The following KAZN variants were observed in gnomAD, a reference collection of about 807,000 sequenced individuals.
KAZN encodes the protein kazrin.
Under a neutral mutation model 87.4 loss-of-function variants are expected in KAZN, and 40 were observed. The observed-to-expected ratio is 0.46, with a 90% CI of 0.36 to 0.60. The LOEUF is 0.60. Ranked by LOEUF, KAZN falls within the 20% of genes least tolerant of loss-of-function variation. The pLI is 0.00. For synonymous variants in KAZN, 466 were observed against 458.3 expected (o/e 1.02, Z -0.22); for missense variants, 898 against 1,073.9 (o/e 0.84, Z 2.29).
chr1:15,103,344 C>T lies in KAZN; in HGVS notation c.1780-15C>T, dbSNP rs777389230. 26 of 1,547,184 alleles carry T rather than the reference C, an allele frequency of 1.7e-5. No individual in the cohort carries two copies. The South Asian group carries it at 2.4e-4, about 14-fold the overall frequency. On this transcript the variant is annotated splice_polypyrimidine_tract_variant and intron_variant, in intron 11 of 14. Coordinates refer to ENST00000376030, the MANE Select transcript of KAZN (RefSeq NM_201628.3). ...TCCCCTTGTCCCTCCGAATGACCCA[C>T]TGTCTCCCCACAAGGCCCTCCAGGA...
chr1:14,600,666 C>CAAAAA (rs59840012), intron 1 of KAZN, among the ~76,000 whole-genome samples: 8 of 118,456 alleles, frequency 6.8e-5, no homozygotes, highest in African/African-American at 1.0e-4. Context: ...GGAACCTGTG[C>CAAAAA]AAAAAAAAAA....
Position 14,735,801 on chromosome 1 carries a change from TG to T in KAZN, c.226+136580del, listed in dbSNP as rs1371524233. On this transcript the variant is annotated intron_variant, in intron 1 of 14. Transcript: ENST00000376030. The surrounding 1 kb of genome is among the most constrained non-coding windows in gnomAD (Gnocchi z 4.3). The stretch of plus-strand genomic sequence containing the variant: ...GAAGCGCCGTCCCTGGCCCTGGGTT[TG>T]GTAAGTTGTAAAAGGAACTTGCTGC... 6.6e-6 allele frequency among the ~76,000 whole-genome samples: 1 copy of T among 152,184 alleles called. No individual in the cohort carries two copies. The highest frequency in any genetic ancestry group is 2.4e-5 in the African/African-American group (1 of 41,448).
At chr1:14,321,719 G>A (rs1197161394) in intron 2 of KAZN, among the ~76,000 whole-genome samples, 2 of 152,220 alleles carry the variant, frequency 1.3e-5, no homozygotes, top group Middle Eastern at 3.4e-3. Flanking sequence ...ATTTCAAATG[G>A]CAGGTGGTGG....
intron 1 of KAZN, among the ~76,000 whole-genome samples, chr1:14,037,133 G>A (rs1026874944): frequency 6.6e-6 from 1 of 152,124 alleles, no homozygotes; most frequent in Admixed American, 6.5e-5. Context: ...CATAGGGTGG[G>A]ATTATTTTAT....
chr1:15,006,529 C>T (rs1348280122), intron 2 of KAZN, among the ~76,000 whole-genome samples: 3 of 152,316 alleles, frequency 2.0e-5, no homozygotes, highest in Middle Eastern at 3.4e-3. Context: ...CTGAGGCCCA[C>T]GTGTCAGAGC....
At chr1:14,149,726 G>C (rs1217238563) in intron 1 of KAZN, among the ~76,000 whole-genome samples, 1 of 152,136 alleles carries the variant, frequency 6.6e-6, no homozygotes, top group African/African-American at 2.4e-5. Context: ...TTAAAGAGGA[G>C]AGCAAAAATA....
intron 1 of KAZN, among the ~76,000 whole-genome samples, chr1:14,012,610 G>T (rs921286836): frequency 6.6e-6 from 1 of 152,260 alleles, no homozygotes; most frequent in Non-Finnish European, 1.5e-5. Context: ...TTCAAGACCT[G>T]CCTGGCCAAC....
rs1357641203 is a variant in KAZN at position 14,773,884 on chromosome 1, A to G, written c.226+174661A>G. On this transcript the variant is annotated intron_variant, in intron 1 of 14. Transcript: ENST00000376030. The surrounding 1 kb of genome is among the most constrained non-coding windows in gnomAD (Gnocchi z 5.9). ...TTCCAGGACTGATGGCACTGAGGGAAGCTTGAAGGAAACAGGCAGGGAAGA... is the reference window on the plus strand; with the variant it reads ...TTCCAGGACTGATGGCACTGAGGGAGGCTTGAAGGAAACAGGCAGGGAAGA... 1.3e-5 allele frequency among the ~76,000 whole-genome samples: 2 copies of G among 152,170 alleles called. No homozygotes were observed. Among genetic ancestry groups the G allele is most frequent in the Non-Finnish European group, 2.9e-5 (2 of 68,028 alleles).
chr1:14,680,961 GCTTAC>G (rs1640534128), intron 1 of KAZN, among the ~76,000 whole-genome samples: 1 of 152,210 alleles, frequency 6.6e-6, no homozygotes, highest in Admixed American at 6.5e-5. Flanking sequence ...GCCTCAGGTA[GCTTAC>G]AGTCATGGCA....
intron 1 of KAZN, among the ~76,000 whole-genome samples, chr1:14,099,822 G>T (rs1644209818): frequency 6.6e-6 from 1 of 152,184 alleles, no homozygotes; most frequent in South Asian, 2.1e-4. Flanking sequence ...CCCTAAGCTA[G>T]CTTAGAAATA....
At chr1:14,744,103 T>G (rs1644194352) in intron 1 of KAZN, among the ~76,000 whole-genome samples, 1 of 152,180 alleles carries the variant, frequency 6.6e-6, no homozygotes, top group African/African-American at 2.4e-5. Context: ...CAAGGCTGGC[T>G]TTATCATGGC....
intron 2 of KAZN, among the ~76,000 whole-genome samples, chr1:14,232,049 G>A (rs1361878065): frequency 1.3e-5 from 2 of 152,080 alleles, no homozygotes; most frequent in Non-Finnish European, 2.9e-5. Context: ...TGGAACTCAG[G>A]CTCACAAACA....
intron 2 of KAZN, among the ~76,000 whole-genome samples, chr1:14,320,665 G>T (rs1253840793): frequency 6.6e-6 from 1 of 152,102 alleles, no homozygotes; most frequent in East Asian, 1.9e-4. Flanking sequence ...ATATTTCCTG[G>T]CAGTTGCTTA....
At chr1:14,187,978 G>A (rs953793703) in intron 2 of KAZN, among the ~76,000 whole-genome samples, 7 of 152,110 alleles carry the variant, frequency 4.6e-5, no homozygotes, top group African/African-American at 9.7e-5. Flanking sequence ...GGGAAACACC[G>A]GTGAAGATGA....
In KAZN at chr1:15,100,325, C is replaced by A. The variant is rs575804202; in HGVS notation, c.1548-1218C>A. 5.3e-5 allele frequency among the ~76,000 whole-genome samples: 8 copies of A among 152,284 alleles called. No individual in the cohort carries two copies. The South Asian group carries it at 1.7e-3, about 32-fold the overall frequency. On this transcript the variant is annotated intron_variant, in intron 10 of 14. Transcript: ENST00000376030. ...AGGACAGGGAGGACCCACCCAGGAC[C>A]CTCAGCAGGAGGGTGGCATGACAAG...
chr1:14,907,401 CAAA>C (rs141495381), intron 1 of KAZN, among the ~76,000 whole-genome samples: 2 of 98,424 alleles, frequency 2.0e-5, no homozygotes, highest in African/African-American at 3.8e-5. Flanking sequence ...GACCCTGTCT[CAAA>C]AAAAAAAAAA....
intron 1 of KAZN, among the ~76,000 whole-genome samples, chr1:14,696,465 G>A (rs1641608562): frequency 1.3e-5 from 2 of 152,212 alleles, no homozygotes; most frequent in African/African-American, 2.4e-5. Context: ...GAGTGGGCTG[G>A]TGGAACCAGG....
chr1:15,109,113 G>A (rs546766222), intron 13 of KAZN, among the ~76,000 whole-genome samples: 73 of 152,248 alleles, frequency 4.8e-4, no homozygotes, highest in Non-Finnish European at 4.3e-4. Flanking sequence ...GGCCAGGCAC[G>A]GTGGCTCACA....
upstream of KAZN, among the ~76,000 whole-genome samples, chr1:14,593,728 T>A (rs1676334563): frequency 6.6e-6 from 1 of 152,014 alleles, no homozygotes; most frequent in African/African-American, 2.4e-5. Flanking sequence ...ATCTGAGGGA[T>A]GAAAAGGAAT....
Sources: gnomAD v4.1 joint callset for allele counts (sites outside exome capture counted in the v4.1 genomes callset) on GRCh38, gnomAD v4.1.1 for gene constraint, Gnocchi (gnomAD v3.1) non-coding constraint, MANE v1.5 for transcripts, NCBI Gene and HGNC (gene_info 2026-07-23, HGNC 2026-07-21) for gene names.